ATP8A2: variants seen among roughly 807,000 people sequenced by gnomAD.
ATP8A2 encodes the protein phospholipid-transporting ATPase IB.
In ATP8A2, 100 loss-of-function variants were observed where a neutral mutation model predicts 165.6. That is an observed-to-expected ratio of 0.60 (90% CI 0.51 to 0.71). ATP8A2 has a LOEUF of 0.71. Ranked by LOEUF, ATP8A2 falls within the 30% of genes least tolerant of loss-of-function variation. ATP8A2 has a pLI of 0.00. For synonymous variants in ATP8A2, 543 were observed against 548.8 expected (o/e 0.99, Z 0.15); for missense variants, 1,227 against 1,479.5 (o/e 0.83, Z 2.80).
intron 22 of ATP8A2, among the ~76,000 whole-genome samples, chr13:25,581,510 C>T (rs1052425125): frequency 1.3e-5 from 2 of 152,150 alleles, no homozygotes; most frequent in Non-Finnish European, 2.9e-5. Flanking sequence ...AGGAAGGGCT[C>T]AGGTACTGTC....
At chr13:25,523,937 G>A (rs1012301962) in intron 2 of ATP8A2, among the ~76,000 whole-genome samples, 4 of 151,598 alleles carry the variant, frequency 2.6e-5, no homozygotes, top group Non-Finnish European at 5.9e-5. Context: ...AATCTCTTAA[G>A]GTACTTTATT....
At chr13:25,399,455 G>A (rs2033549779) in intron 1 of ATP8A2, among the ~76,000 whole-genome samples, 2 of 131,628 alleles carry the variant, frequency 1.5e-5, no homozygotes, top group Admixed American at 8.1e-5. Context: ...CTGGAGTGCA[G>A]TGGCGGGATC....
At chr13:25,964,602 C>A (rs529955571) in intron 34 of ATP8A2, among the ~76,000 whole-genome samples, 1 of 152,312 alleles carries the variant, frequency 6.6e-6, no homozygotes, top group South Asian at 2.1e-4. Flanking sequence ...ATTAATCCTG[C>A]TTGTCCCGAA....
At chr13:25,701,189 G>C (rs1411280434) in intron 25 of ATP8A2, among the ~76,000 whole-genome samples, 2 of 152,072 alleles carry the variant, frequency 1.3e-5, no homozygotes, top group African/African-American at 4.8e-5. Flanking sequence ...TTTGACAAAG[G>C]CCAGTTTATC....
intron 27 of ATP8A2, among the ~76,000 whole-genome samples, chr13:25,776,966 C>A (rs1004214771): frequency 1.4e-5 from 2 of 147,974 alleles, no homozygotes; most frequent in Non-Finnish European, 3.0e-5. Flanking sequence ...TACTATCTTG[C>A]TGGTGTTTTT....
chr13:25,667,882 G>A (rs558808393), intron 24 of ATP8A2, among the ~76,000 whole-genome samples: 47 of 151,816 alleles, frequency 3.1e-4, no homozygotes, highest in Non-Finnish European at 5.3e-4. Context: ...AATATTGCAA[G>A]TTTATAGCAT....
At chr13:25,721,708 A>G (rs1021306402) in intron 25 of ATP8A2, among the ~76,000 whole-genome samples, 12 of 152,184 alleles carry the variant, frequency 7.9e-5, no homozygotes, top group Non-Finnish European at 1.8e-4. Flanking sequence ...GCAGTCTTGC[A>G]TGTGTCTGTC....
chr13:25,781,195 G>A (rs573781170), intron 27 of ATP8A2, among the ~76,000 whole-genome samples: 3 of 152,188 alleles, frequency 2.0e-5, no homozygotes, highest in East Asian at 3.9e-4. Context: ...CCTGGGAGGC[G>A]GAACTTGCAG....
At chr13:25,695,722 A>G (rs2900871) in intron 24 of ATP8A2, among the ~76,000 whole-genome samples, 151,411 of 152,360 alleles carry the variant, frequency 0.99, 75,244 homozygotes, top group Middle Eastern at 1. Flanking sequence ...GCACATTGTC[A>G]CATCTTCAGG....
chr13:25,744,325 A>ACCCCCCCCCC lies in ATP8A2; in HGVS notation c.2385-24714_2385-24713insCCCCCCCCCC, dbSNP rs138866684. Among the ~76,000 whole-genome samples, 40 of 148,490 alleles carry ACCCCCCCCCC rather than the reference A, an allele frequency of 2.7e-4. 2 individuals carry two copies. Among genetic ancestry groups the ACCCCCCCCCC allele is most frequent in the African/African-American group, 9.9e-4 (39 of 39,408 alleles). On this transcript the variant is annotated intron_variant, in intron 25 of 36. Coordinates refer to ENST00000381655, the MANE Select transcript of ATP8A2 (RefSeq NM_016529.6). ...GCACATGGCATCTGGCTCACTCACC[A>ACCCCCCCCCC]CCCCCCCGTGTGTATGTGCGCCCTT...
chr13:25,977,330 G>A (rs1956073545), intron 35 of ATP8A2, among the ~76,000 whole-genome samples: 2 of 151,828 alleles, frequency 1.3e-5, no homozygotes, highest in African/African-American at 2.4e-5. Flanking sequence ...AGCCAACGAC[G>A]CTCCCAGGCA....
intron 25 of ATP8A2, among the ~76,000 whole-genome samples, chr13:25,716,177 T>A (rs2043251050): frequency 6.6e-6 from 1 of 152,254 alleles, no homozygotes; most frequent in Non-Finnish European, 1.5e-5. Flanking sequence ...ATTGGGTTGC[T>A]TGTCTTTTAT....
chr13:25,756,403 C>G (rs905450092), intron 25 of ATP8A2, among the ~76,000 whole-genome samples: 2 of 148,408 alleles, frequency 1.3e-5, no homozygotes, highest in African/African-American at 5.0e-5. Context: ...TGTGGCTCCT[C>G]TGCTGGATTC....
chr13:25,501,576 A>G (rs570520699), intron 2 of ATP8A2, among the ~76,000 whole-genome samples: 138 of 152,332 alleles, frequency 9.1e-4, no homozygotes, highest in African/African-American at 2.6e-3. Flanking sequence ...AGAAGGGGCA[A>G]TCCCCTCCCA....
chr13:25,829,668 G>C, intron 28 of ATP8A2, among the ~76,000 whole-genome samples: 1 of 63,422 alleles, frequency 1.6e-5, no homozygotes. Flanking sequence ...GACAGGTGTG[G>C]TATATATATA....
chr13:25,453,181 C>T (rs985468596), intron 1 of ATP8A2, among the ~76,000 whole-genome samples: 2 of 151,696 alleles, frequency 1.3e-5, no homozygotes, highest in African/African-American at 4.8e-5. Flanking sequence ...GGCTGGAGTG[C>T]AATGGTATGA....
chr13:25,756,150 G>A (rs1250480121), intron 25 of ATP8A2, among the ~76,000 whole-genome samples: 2 of 152,262 alleles, frequency 1.3e-5, no homozygotes, highest in African/African-American at 4.8e-5. Context: ...CTCCAGGATA[G>A]CATGCAGCAG....
intron 33 of ATP8A2, among the ~76,000 whole-genome samples, chr13:25,896,619 T>C (rs143734584): frequency 0.15 from 22,074 of 152,208 alleles, 1,878 homozygotes; most frequent in Non-Finnish European, 0.2. Context: ...ATCTGTCTAA[T>C]GTTGACAGTG....
chr13:25,518,840 G>A (rs919064608), intron 2 of ATP8A2, among the ~76,000 whole-genome samples: 1 of 152,088 alleles, frequency 6.6e-6, no homozygotes, highest in African/African-American at 2.4e-5. Context: ...GGAGTGAAGC[G>A]TGTCCAACAT....
Sources: gnomAD v4.1 joint callset for allele counts (sites outside exome capture counted in the v4.1 genomes callset) on GRCh38, gnomAD v4.1.1 for gene constraint, MANE v1.5 for transcripts, NCBI Gene and HGNC (gene_info 2026-07-23, HGNC 2026-07-21) for gene names.